Variants in ACTA2 observed in about 807,000 individuals in gnomAD.
ACTA2 encodes the protein actin, aortic smooth muscle.
Under a neutral mutation model 39.5 loss-of-function variants are expected in ACTA2, and 12 were observed. That is an observed-to-expected ratio of 0.30 (90% CI 0.19 to 0.49). The LOEUF is 0.49. Ranked by LOEUF, ACTA2 falls within the 20% of genes least tolerant of loss-of-function variation. ACTA2 has a pLI of 0.99. For missense variants in ACTA2, 236 were observed against 498.8 expected (o/e 0.47, Z 5.02); for synonymous variants, 158 against 180.6 (o/e 0.88, Z 1.00).
At chr10:88,951,800 A>G (rs923027208) in intron 1 of ACTA2, among the ~76,000 whole-genome samples, 1 of 152,234 alleles carries the variant, frequency 6.6e-6, no homozygotes, top group African/African-American at 2.4e-5. Flanking sequence ...TTCCCAGCTC[A>G]TTGGTCTTGA....
chr10:88,957,762 C>G (rs541462524), upstream of ACTA2, among the ~76,000 whole-genome samples: 2 of 152,150 alleles, frequency 1.3e-5, no homozygotes. Flanking sequence ...CTAGGAAGCC[C>G]TCTCTACCCA....
At chr10:88,965,726 C>T (rs1333403913) in intron 1 of ACTA2, among the ~76,000 whole-genome samples, 1 of 152,162 alleles carries the variant, frequency 6.6e-6, no homozygotes, top group Non-Finnish European at 1.5e-5. Context: ...CACAGATTTT[C>T]CCAGGGATTG....
At chr10:88,981,223 C>T (rs1359234980) in intron 1 of ACTA2, among the ~76,000 whole-genome samples, 2 of 152,200 alleles carry the variant, frequency 1.3e-5, no homozygotes, top group African/African-American at 4.8e-5. Flanking sequence ...TTAAACTCAC[C>T]TAACCTATGT....
At chr10:88,972,153 C>T (rs977340805) in intron 1 of ACTA2, among the ~76,000 whole-genome samples, 6 of 151,910 alleles carry the variant, frequency 3.9e-5, no homozygotes, top group Admixed American at 1.3e-4. Context: ...GTGATCCACC[C>T]GCCTCAGCCT....
chr10:88,943,687 C>T, intron 4 of ACTA2, 110 bp downstream of exon 4: 1 of 877,182 alleles, frequency 1.1e-6, no homozygotes, highest in Non-Finnish European at 1.9e-6. Flanking sequence ...GGCTGTTAGT[C>T]TGTTGGTGGA....
chr10:88,988,595 G>T (rs1288403265), intron 1 of ACTA2, among the ~76,000 whole-genome samples: 3 of 152,074 alleles, frequency 2.0e-5, no homozygotes, highest in Non-Finnish European at 4.4e-5. Flanking sequence ...TCCAACATCT[G>T]TTGGAGTGCC....
chr10:88,948,960 A>C lies in ACTA2; in HGVS notation c.-23-7T>G, dbSNP rs755068636. 4 of 1,613,168 alleles carry C rather than the reference A, an allele frequency of 2.5e-6. No individual in the cohort carries two copies. The East Asian group carries it at 6.7e-5, about 27-fold the overall frequency. On this transcript the variant is annotated splice_region_variant and splice_polypyrimidine_tract_variant and intron_variant, in intron 1 of 8. Transcript: ENST00000224784. ...GGAGCTGCTTCACAGGATTCTATAG[A>C]AAACAGGGAGGAAGCAGCCTCAGCT... is the stretch of plus-strand genomic sequence containing the variant.
chr10:88,975,432 A>G (rs975035537), intron 1 of ACTA2, among the ~76,000 whole-genome samples: 9 of 152,178 alleles, frequency 5.9e-5, no homozygotes, highest in Non-Finnish European at 1.0e-4. Flanking sequence ...TTTTTTTCTT[A>G]TTACAGACTA....
chr10:88,960,141 T>TA (rs1846203043), intron 1 of ACTA2, among the ~76,000 whole-genome samples: 1 of 152,194 alleles, frequency 6.6e-6, no homozygotes, highest in South Asian at 2.1e-4. Flanking sequence ...AGCACACACT[T>TA]AAAGAATGGG....
intron 1 of ACTA2, chr10:88,974,251 A>G (rs973481385): frequency 6.0e-5 from 7 of 117,362 alleles, no homozygotes; most frequent in East Asian, 4.0e-4. Flanking sequence ...CTCTTTGGTG[A>G]AAAAAAAAAA....
rs1160563675 is a variant in ACTA2 at position 88,990,699 on chromosome 10, G to A, written c.-24+240C>T. 1 of 735,534 alleles carries A rather than the reference G, an allele frequency of 1.4e-6. No individual in the cohort carries two copies. Among genetic ancestry groups the A allele is most frequent in the African/African-American group, 1.7e-5 (1 of 57,952 alleles). 45.6% of individuals were successfully genotyped at this position (735,534 alleles called of 1,614,324 possible). ...GTGTTCAAAGACGCTTCTGGGGAGT[G>A]AGGGAAGCGGTTTACGAGTGACTTG... On this transcript the variant is annotated intron_variant, in intron 1 of 4. Coordinates refer to the ACTA2 transcript ENST00000415557. The surrounding 1 kb of genome is among the most constrained non-coding windows in gnomAD (Gnocchi z 4.9).
chr10:88,989,403 G>A (rs529031667), intron 1 of ACTA2: 2 of 426,566 alleles, frequency 4.7e-6, no homozygotes, highest in South Asian at 3.5e-5. Context: ...CAAAAAATTT[G>A]CAGAGATAAT....
intron 1 of ACTA2, among the ~76,000 whole-genome samples, chr10:88,961,588 T>C (rs145744509): frequency 5.3e-5 from 8 of 152,290 alleles, no homozygotes; most frequent in African/African-American, 1.7e-4. Context: ...TAGGCAAGAA[T>C]AGCCACAGAG....
At chr10:88,978,457 C>G (rs998327741) in intron 1 of ACTA2, among the ~76,000 whole-genome samples, 1 of 152,166 alleles carries the variant, frequency 6.6e-6, no homozygotes, top group Non-Finnish European at 1.5e-5. Context: ...GTCCTTTTCA[C>G]ATAAGTGGGT....
chr10:88,990,546 G>T lies in ACTA2; in HGVS notation c.-24+393C>A. On this transcript the variant is annotated intron_variant, in intron 1 of 4. Transcript: ENST00000415557. This position sits in a 1 kb window ranked among gnomAD's most constrained non-coding sequence, Gnocchi z 4.9. ...TCTCCCCCTCCCTACCCGCGCGCAG[G>T]CCAAGTTGCTGAATCAATGGAGCCC... The T allele has an allele frequency of 4.8e-6, 3 of 628,556 alleles. No homozygotes were observed. The highest frequency in any genetic ancestry group is 5.9e-6 in the Non-Finnish European group (2 of 338,426). The allele number at this position is 628,556 out of a possible 1,614,324, so 38.9% of individuals were successfully genotyped here.
At chr10:88,971,675 T>G (rs1017346836) in intron 1 of ACTA2, among the ~76,000 whole-genome samples, 5 of 152,220 alleles carry the variant, frequency 3.3e-5, no homozygotes, top group African/African-American at 1.2e-4. Context: ...TTGTAACTAA[T>G]AGGACACGTG....
intron 3 of ACTA2, among the ~76,000 whole-genome samples, chr10:88,945,263 C>A (rs1022185758): frequency 4.6e-5 from 7 of 152,198 alleles, no homozygotes; most frequent in African/African-American, 1.7e-4. Context: ...ATATTGATAT[C>A]TTTTTCTCTG....
intron 1 of ACTA2, among the ~76,000 whole-genome samples, chr10:88,951,264 T>C (rs903300131): frequency 7.2e-5 from 11 of 152,144 alleles, no homozygotes; most frequent in African/African-American, 2.7e-4. Flanking sequence ...AGGCACTCTA[T>C]GGATGTGCTA....
Position 88,947,249 on chromosome 10 carries a change from C to T in ACTA2, c.258+9G>A. 1.2e-6 allele frequency: 2 copies of T among 1,613,834 alleles called. No individual in the cohort carries two copies. The highest frequency in any genetic ancestry group is 1.7e-6 in the Non-Finnish European group (2 of 1,179,824). On this transcript the variant is annotated intron_variant, in intron 3 of 8. Coordinates refer to ENST00000224784, the MANE Select transcript of ACTA2 (RefSeq NM_001613.4). The stretch of plus-strand genomic sequence containing the variant: ...CCTGAGGGCCCAAGCTGCAGCAAAC[C>T]TCCCATACCTTTTCCATGTCGTCCC...
Sources: gnomAD v4.1 joint callset for allele counts (sites outside exome capture counted in the v4.1 genomes callset) on GRCh38, gnomAD v4.1.1 for gene constraint, Gnocchi (gnomAD v3.1) non-coding constraint, MANE v1.5 for transcripts, NCBI Gene and HGNC (gene_info 2026-07-23, HGNC 2026-07-21) for gene names.